Variants in KIAA1191 observed in about 807,000 individuals in gnomAD.
KIAA1191 encodes the protein putative monooxygenase p33MONOX.
A neutral mutation model predicts 31.1 loss-of-function variants in KIAA1191; 22 were observed. That is an observed-to-expected ratio of 0.71 (90% confidence interval 0.51 to 1.01). KIAA1191 has a LOEUF of 1.01. Ranked by LOEUF, KIAA1191 falls within the 50% of genes least tolerant of loss-of-function variation. The probability of loss-of-function intolerance (pLI) is 0.00; values close to 1 mark genes in which losing one functional copy is unlikely to be tolerated. For missense variants in KIAA1191, 319 were observed against 388.0 expected, an observed-to-expected ratio of 0.82 and a Z score of 1.49; for synonymous variants, 130 against 143.9, an observed-to-expected ratio of 0.90 and a Z score of 0.69.
intron 4 of KIAA1191, chr5:176,353,625 G>A (rs995438407): frequency 9.2e-5 from 14 of 152,334 alleles, no homozygotes; most frequent in African/African-American, 2.4e-4. Flanking sequence ...CTGGGAAGAC[G>A]GTTGATTCCT....
At chr5:176,358,011 A>G (rs919191221) in intron 3 of KIAA1191, among the ~76,000 whole-genome samples, 1 of 152,208 alleles carries the variant, frequency 6.6e-6, no homozygotes, top group Non-Finnish European at 1.5e-5. Context: ...AGGAACCATC[A>G]TCTTTCTTCA....
At chr5:176,357,497 C>T (rs1767613749) in intron 3 of KIAA1191, among the ~76,000 whole-genome samples, 1 of 152,184 alleles carries the variant, frequency 6.6e-6, no homozygotes, top group East Asian at 1.9e-4. Context: ...AATTACATCC[C>T]TCATCTTATC....
At chr5:176,359,368 CGCTT>C in intron 3 of KIAA1191, 109 bp downstream of exon 3, 1 of 931,176 alleles carries the variant, frequency 1.1e-6, no homozygotes, top group Admixed American at 2.1e-5. Flanking sequence ...TCTAAATACT[CGCTT>C]GGTAGCAGAG....
chr5:176,360,153 AT>A (rs200839926), intron 1 of KIAA1191, among the ~76,000 whole-genome samples: 13,264 of 122,846 alleles, frequency 0.11, 302 homozygotes, highest in South Asian at 0.15. Flanking sequence ...CCCAATCCCA[AT>A]TTTTTTTTTT....
At chr5:176,359,344 G>A in intron 3 of KIAA1191, 137 bp downstream of exon 3, 1 of 763,996 alleles carries the variant, frequency 1.3e-6, no homozygotes, top group East Asian at 2.7e-5. Flanking sequence ...AATAAAATAA[G>A]CCAATCTAGT....
intron 3 of KIAA1191, 160 bp downstream of exon 3, chr5:176,359,321 A>T (rs1413523145): frequency 1.9e-5 from 12 of 621,434 alleles, no homozygotes; most frequent in East Asian, 3.4e-5. Flanking sequence ...TCCATCTCAA[A>T]AAAATAAAAT....
chr5:176,359,498 C>T lies in KIAA1191; in HGVS notation c.11G>A (p.Arg4Lys), dbSNP rs557470675. 6.2e-7 allele frequency: 1 copy of T among 1,613,686 alleles called. No homozygotes were observed. Among genetic ancestry groups the T allele is most frequent in the South Asian group, 1.1e-5 (1 of 91,056 alleles). The change falls in exon 3 of 9, where the codon AGA becomes AAA. Residue 4 changes from arginine to lysine, a missense_variant. Physicochemically the swap from Arg to Lys is conservative, Grantham distance 26. Coordinates refer to ENST00000298569, the MANE Select transcript of KIAA1191 (RefSeq NM_020444.5). Reference protein sequence around the residue: MASRQPEVPALEAS... With the variant: MASKQPEVPALEAS... ...AAGTTTACCAGGCACTTCTGGTTGT[C>T]TTGAAGCCATTGAAAGACTGGGATC...
Position 176,359,584 on chromosome 5 carries a change from G to C in KIAA1191, c.-59-17C>G, listed in dbSNP as rs1319073324. The C allele has an allele frequency of 4.2e-6, 5 of 1,180,092 alleles. No individual in the cohort carries two copies. Among genetic ancestry groups the C allele is most frequent in the African/African-American group, 1.5e-5 (1 of 66,208 alleles). 73.1% of individuals were successfully genotyped at this position (1,180,092 alleles called of 1,614,324 possible). A position where few individuals can be genotyped will look rare whatever the true frequency, so the allele number is the denominator to read the frequency against. ...CCCTGCCACCTAATAAAATAACAAA[G>C]GGCATTTTCTTATGGTGAGCAGCAC... On this transcript the variant is annotated splice_polypyrimidine_tract_variant and intron_variant, in intron 2 of 8. Coordinates refer to ENST00000298569, the MANE Select transcript of KIAA1191 (RefSeq NM_020444.5).
At chr5:176,351,489 A>G (rs1362257686) in intron 5 of KIAA1191, among the ~76,000 whole-genome samples, 1 of 149,000 alleles carries the variant, frequency 6.7e-6, no homozygotes, top group East Asian at 2.1e-4. Flanking sequence ...GTGGTGCGTG[A>G]TGGCTCACAC....
At position 176,359,516 on chromosome 5, in the gene KIAA1191, C is replaced by T; in HGVS notation, c.-8G>A. The T allele has an allele frequency of 1.2e-6, 2 of 1,612,956 alleles. No individual in the cohort carries two copies. The highest frequency in any genetic ancestry group is 1.7e-6 in the Non-Finnish European group (2 of 1,179,090). On this transcript the variant is annotated 5_prime_UTR_variant, in exon 3 of 9. Coordinates refer to ENST00000298569, the MANE Select transcript of KIAA1191 (RefSeq NM_020444.5). ...TGGTTGTCTTGAAGCCATTGAAAGACTGGGATCCAGGTGCTTTTTCTATAC... is the reference window on the plus strand; with the variant it reads ...TGGTTGTCTTGAAGCCATTGAAAGATTGGGATCCAGGTGCTTTTTCTATAC...
In KIAA1191 at chr5:176,349,849, C is replaced by G. The variant is rs944957689; in HGVS notation, c.459+764G>C. Among the ~76,000 whole-genome samples, 6 of 152,298 alleles carry G rather than the reference C, an allele frequency of 3.9e-5. No individual in the cohort carries two copies. The South Asian group carries it at 8.3e-4, about 21-fold the overall frequency. On this transcript the variant is annotated intron_variant, in intron 6 of 8. Transcript: ENST00000298569. ...TGGAACAAGCCTGGATTCTGACCCCCCCTTGCCTAAAGAAGACAGCCCAAG... is the reference window on the plus strand; with the variant it reads ...TGGAACAAGCCTGGATTCTGACCCCGCCTTGCCTAAAGAAGACAGCCCAAG...
chr5:176,357,789 A>C (rs1344851395), intron 3 of KIAA1191, among the ~76,000 whole-genome samples: 5 of 152,204 alleles, frequency 3.3e-5, no homozygotes, highest in African/African-American at 1.2e-4. Flanking sequence ...TATATTGGGG[A>C]ATACGGGAGA....
In KIAA1191 at chr5:176,357,691, C is replaced by T. The variant is rs372090701; in HGVS notation, c.28+1790G>A. Among the ~76,000 whole-genome samples the T allele has an allele frequency of 1.4e-4, 22 of 152,184 alleles. No individual in the cohort carries two copies. In the East Asian group the frequency reaches 2.1e-3, roughly 15 times the overall value. On this transcript the variant is annotated intron_variant, in intron 3 of 8. Transcript: ENST00000298569. The stretch of plus-strand genomic sequence containing the variant: ...TGAATGGGCACAATCCTATGGCTCG[C>T]GACGGCTACACGGAGTTTGTGGTAA...
chr5:176,355,536 T>A lies in KIAA1191; in HGVS notation c.207+35A>T, dbSNP rs564952190. ...TGGAGCAGAGGAAGGACAAAGGGGTTGCGTATGCCAGAAATGGCCAGCAGG... is the reference window on the plus strand; with the variant it reads ...TGGAGCAGAGGAAGGACAAAGGGGTAGCGTATGCCAGAAATGGCCAGCAGG... On this transcript the variant is annotated intron_variant, in intron 4 of 8. Coordinates refer to ENST00000298569, the MANE Select transcript of KIAA1191 (RefSeq NM_020444.5). The surrounding 1 kb of genome is among the most constrained non-coding windows in gnomAD (Gnocchi z 4.2). 1 of 1,591,844 alleles carries A rather than the reference T, an allele frequency of 6.3e-7. No individual in the cohort carries two copies. Among genetic ancestry groups the A allele is most frequent in the African/African-American group, 1.3e-5 (1 of 74,558 alleles).
intron 4 of KIAA1191, 107 bp from the exon 5 acceptor site, chr5:176,352,855 A>G: frequency 8.1e-7 from 1 of 1,235,924 alleles, no homozygotes; most frequent in South Asian, 1.6e-5. Context: ...TTAATCTGGT[A>G]AGTGAGGAAA....
In KIAA1191 at chr5:176,346,748, C is replaced by A. The variant is rs1265717439; in HGVS notation, c.*852G>T. 3 of 152,238 alleles carry A rather than the reference C, an allele frequency of 2.0e-5. No homozygotes were observed. The highest frequency in any genetic ancestry group is 4.8e-5 in the African/African-American group (2 of 41,454). 9.4% of individuals were successfully genotyped at this position (152,238 alleles called of 1,614,324 possible). On this transcript the variant is annotated 3_prime_UTR_variant, in exon 9 of 9. Transcript: ENST00000298569. ...TTAGGTCTGCCAAAAAGCAGGGGGA[C>A]TCAAGGTTCAGCCTAGAAAGAGGGG... is the stretch of plus-strand genomic sequence containing the variant.
At chr5:176,350,985 C>A (rs897768917) in intron 5 of KIAA1191, among the ~76,000 whole-genome samples, 2 of 152,120 alleles carry the variant, frequency 1.3e-5, no homozygotes, top group Non-Finnish European at 2.9e-5. Flanking sequence ...AGCTGAAGAA[C>A]CTTGAGGACA....
At chr5:176,348,089 C>A (rs766897154) in intron 7 of KIAA1191, 26 bp from the exon 8 acceptor site, 1 of 1,611,900 alleles carries the variant, frequency 6.2e-7, no homozygotes, top group East Asian at 2.2e-5. Flanking sequence ...CAAAACATAT[C>A]CTAAAATACC....
At chr5:176,353,376 G>A (rs1767208686) in intron 4 of KIAA1191, 1 of 152,264 alleles carries the variant, frequency 6.6e-6, no homozygotes, top group Non-Finnish European at 1.5e-5. Flanking sequence ...CAACCTGCAA[G>A]AGCTGGCAGC....
Sources: allele counts gnomAD v4.1 joint callset (sites outside exome capture counted in the v4.1 genomes callset), GRCh38; gene constraint gnomAD v4.1.1; non-coding constraint Gnocchi (gnomAD v3.1); transcripts MANE v1.5; gene names NCBI Gene and HGNC (gene_info 2026-07-23, HGNC 2026-07-21).